Variants in NCALD observed in about 807,000 individuals in gnomAD.
NCALD encodes neurocalcin-delta.
Under a neutral mutation model 18.6 loss-of-function variants are expected in NCALD, and 10 were observed. That is an observed-to-expected ratio of 0.54 (90% CI 0.33 to 0.91). The LOEUF is 0.91. Among genes scored for constraint, NCALD ranks in the 40% least tolerant of loss-of-function variants. The pLI, the probability that NCALD is intolerant of heterozygous loss-of-function variation, is 0.03. For missense variants in NCALD, 184 were observed against 247.6 expected, an observed-to-expected ratio of 0.74 and a Z score of 1.72; for synonymous variants, 88 against 87.4, an observed-to-expected ratio of 1.01 and a Z score of -0.04.
At chr8:101,705,642 T>C (rs925243581) in intron 2 of NCALD, among the ~76,000 whole-genome samples, 5 of 152,084 alleles carry the variant, frequency 3.3e-5, no homozygotes, top group Non-Finnish European at 5.9e-5. Context: ...AGTCAGATCA[T>C]AAAAGGAGAT....
At chr8:101,807,613 C>T (rs1316252297) in intron 4 of NCALD, among the ~76,000 whole-genome samples, 1 of 152,176 alleles carries the variant, frequency 6.6e-6, no homozygotes, top group East Asian at 1.9e-4. Flanking sequence ...AGAATAAAGC[C>T]AAGGTGCTCA....
intron 1 of NCALD, among the ~76,000 whole-genome samples, chr8:101,748,717 G>A (rs765372172): frequency 1.1e-4 from 16 of 152,218 alleles, no homozygotes; most frequent in Admixed American, 2.0e-4. Context: ...GAGAGGTTAA[G>A]TGAGTTATGC....
chr8:101,713,973 G>A (rs1052985694), intron 2 of NCALD, among the ~76,000 whole-genome samples: 15 of 152,138 alleles, frequency 9.9e-5, no homozygotes, highest in African/African-American at 3.6e-4. Flanking sequence ...AGTAAACTAG[G>A]TATTGATGGA....
chr8:101,718,944 T>C (rs1816218043), intron 2 of NCALD, among the ~76,000 whole-genome samples: 1 of 152,234 alleles, frequency 6.6e-6, no homozygotes, highest in Admixed American at 6.5e-5. Context: ...CTAATCATAA[T>C]CTAGACATTC....
At chr8:101,883,700 A>G (rs1195745308) in intron 4 of NCALD, among the ~76,000 whole-genome samples, 2 of 152,236 alleles carry the variant, frequency 1.3e-5, no homozygotes, top group Non-Finnish European at 2.9e-5. Flanking sequence ...CCACACTTAC[A>G]TGCAATACAA....
intron 1 of NCALD, among the ~76,000 whole-genome samples, chr8:102,111,907 A>C (rs1454989304): frequency 3.9e-5 from 6 of 152,224 alleles, no homozygotes; most frequent in Admixed American, 3.9e-4. Context: ...GCCTTTGAAC[A>C]TTTGAATTAT....
chr8:101,791,652 G>C, upstream of NCALD, among the ~76,000 whole-genome samples: 1 of 152,100 alleles, frequency 6.6e-6, no homozygotes, highest in Non-Finnish European at 1.5e-5. Flanking sequence ...CAGGATTCCT[G>C]TACTGTAAAA....
chr8:101,788,429 TTA>T (rs1812318364), intron 1 of NCALD, among the ~76,000 whole-genome samples: 1 of 152,332 alleles, frequency 6.6e-6, no homozygotes, highest in East Asian at 1.9e-4. Context: ...TCACCTCATT[TTA>T]CAGTTGTTGT....
intron 2 of NCALD, among the ~76,000 whole-genome samples, chr8:101,985,808 A>ATC (rs1820785808): frequency 6.6e-6 from 1 of 152,088 alleles, no homozygotes; most frequent in South Asian, 2.1e-4. Context: ...TCCCAAAAGG[A>ATC]TCTTCAGATC....
In NCALD at chr8:101,692,851, C is replaced by T; in HGVS notation, c.424G>A (p.Glu142Lys). 1 of 1,613,962 alleles carries T rather than the reference C, an allele frequency of 6.2e-7. No homozygotes were observed. The highest frequency in any genetic ancestry group is 8.5e-7 in the Non-Finnish European group (1 of 1,179,874). The change falls in exon 3 of 4, where the codon GAG becomes AAG. Residue 142 changes from glutamate (E) to lysine (K), a missense_variant. Physicochemically the swap from Glu to Lys is moderately conservative, Grantham distance 56 (BLOSUM62 1). Coordinates refer to ENST00000220931, the MANE Select transcript of NCALD (RefSeq NM_032041.3). ...VSSVMKMPEDESTPEKRTEKI... is the reference protein window; with the variant it reads ...VSSVMKMPEDKSTPEKRTEKI... Reference sequence around the variant, plus strand: ...TCTGTTCTTTTCTCTGGGGTTGACTCATCTTCAGGCATTTTCATTACAGAG... The same window carrying T: ...TCTGTTCTTTTCTCTGGGGTTGACTTATCTTCAGGCATTTTCATTACAGAG...
intron 3 of NCALD, among the ~76,000 whole-genome samples, chr8:101,909,770 A>C (rs548442627): frequency 4.6e-5 from 7 of 152,312 alleles, no homozygotes; most frequent in Non-Finnish European, 1.0e-4. Context: ...CTTAAACAGT[A>C]CATTCATCTT....
At chr8:101,726,667 A>C (rs1315880670) in intron 1 of NCALD, among the ~76,000 whole-genome samples, 2 of 152,186 alleles carry the variant, frequency 1.3e-5, no homozygotes, top group Admixed American at 1.3e-4. Context: ...CCTATTACAC[A>C]TCAGTTGGAG....
chr8:102,087,510 C>G (rs1274397155), intron 1 of NCALD, among the ~76,000 whole-genome samples: 1 of 151,970 alleles, frequency 6.6e-6, no homozygotes, highest in Non-Finnish European at 1.5e-5. Flanking sequence ...GTTAAAGGCC[C>G]CTCTTAATAA....
intron 1 of NCALD, among the ~76,000 whole-genome samples, chr8:102,054,252 C>T (rs138938940): frequency 9.2e-5 from 14 of 152,224 alleles, no homozygotes; most frequent in Admixed American, 2.6e-4. Context: ...GTCAACTTGA[C>T]GAAGCCACCA....
chr8:102,093,851 C>T (rs1825006064), intron 1 of NCALD, among the ~76,000 whole-genome samples: 1 of 152,180 alleles, frequency 6.6e-6, no homozygotes, highest in South Asian at 2.1e-4. Context: ...AAACACAATT[C>T]CTAACTGATG....
At chr8:101,873,923 G>A (rs1157375023) in intron 4 of NCALD, among the ~76,000 whole-genome samples, 2 of 152,190 alleles carry the variant, frequency 1.3e-5, no homozygotes, top group Middle Eastern at 6.3e-3. Flanking sequence ...ACAATTAGAA[G>A]CACCCTGATC....
intron 1 of NCALD, among the ~76,000 whole-genome samples, chr8:102,080,838 T>C (rs528489862): frequency 3.3e-5 from 5 of 152,352 alleles, no homozygotes; most frequent in Admixed American, 1.3e-4. Flanking sequence ...GGTCTGGGTC[T>C]CCAGCCCACT....
At chr8:102,047,619 C>T (rs905182796) in intron 1 of NCALD, among the ~76,000 whole-genome samples, 3 of 152,186 alleles carry the variant, frequency 2.0e-5, no homozygotes, top group Non-Finnish European at 4.4e-5. Flanking sequence ...TATCATAGAA[C>T]ATGCTAACGA....
rs2132049133 is a variant in NCALD, at chr8:102,006,602, C to T, written c.-157+13635G>A. 2.0e-5 allele frequency among the ~76,000 whole-genome samples: 3 copies of T among 152,298 alleles called. No individual in the cohort carries two copies. In the South Asian group the frequency reaches 6.2e-4, roughly 32 times the overall value. ...AGGAGGCACCAGTAGAAGATCCGAGCTAGAGGAGGTAAGTCCAGGGTCTGA... is the reference window on the plus strand; with the variant it reads ...AGGAGGCACCAGTAGAAGATCCGAGTTAGAGGAGGTAAGTCCAGGGTCTGA... On this transcript the variant is annotated intron_variant, in intron 2 of 6. Coordinates refer to the NCALD transcript ENST00000311028.
Sources: allele counts gnomAD v4.1 joint callset (sites outside exome capture counted in the v4.1 genomes callset), GRCh38; gene constraint gnomAD v4.1.1; transcripts MANE v1.5; gene names NCBI Gene and HGNC (gene_info 2026-07-23, HGNC 2026-07-21).